FMN2: variants seen among roughly 807,000 people sequenced by gnomAD.
The protein encoded by FMN2 is formin 2, also known as formin-2.
FMN2 carries 51 observed loss-of-function variants against 142.3 expected under a neutral mutation model. The observed-to-expected ratio is 0.36, with a 90% CI of 0.29 to 0.45. The LOEUF is 0.45. Among genes scored for constraint, FMN2 ranks in the 20% least tolerant of loss-of-function variants. The probability of loss-of-function intolerance (pLI) is 1.00; values close to 1 mark genes in which losing one functional copy is unlikely to be tolerated. For synonymous variants in FMN2, 882 were observed against 869.8 expected, an observed-to-expected ratio of 1.01 and a Z score of -0.25; for missense variants, 1,936 against 2,122.8, an observed-to-expected ratio of 0.91 and a Z score of 1.73.
rs1675053506 is a variant in FMN2, at chr1:240,429,148, T to C, written c.4911-8913T>C. Among the ~76,000 whole-genome samples, 4 of 152,228 alleles carry C rather than the reference T, an allele frequency of 2.6e-5. 1 individual carries two copies. In the South Asian group the frequency reaches 8.3e-4, roughly 31 times the overall value. On this transcript the variant is annotated intron_variant, in intron 15 of 17. Coordinates refer to ENST00000319653, the MANE Select transcript of FMN2 (RefSeq NM_020066.5). ...AGATTCTTTACTAAGTTCTTGTACC[T>C]TATGTCTGAGTTTTTAAAATTTTGA...
chr1:240,201,306 A>G (rs994010432), intron 4 of FMN2, among the ~76,000 whole-genome samples: 2 of 152,168 alleles, frequency 1.3e-5, no homozygotes, highest in Non-Finnish European at 2.9e-5. Context: ...AAACCACATG[A>G]CACAAATGCA....
At chr1:240,293,601 T>C (rs1042234550) in intron 7 of FMN2, among the ~76,000 whole-genome samples, 2 of 152,182 alleles carry the variant, frequency 1.3e-5, no homozygotes, top group Non-Finnish European at 2.9e-5. Context: ...CTTTACTACT[T>C]TGAAACATTA....
intron 6 of FMN2, among the ~76,000 whole-genome samples, chr1:240,251,197 T>C (rs1021036121): frequency 6.6e-6 from 1 of 152,112 alleles, no homozygotes; most frequent in Non-Finnish European, 1.5e-5. Flanking sequence ...ACTTTTTTGA[T>C]GTAGGCGTTT....
chr1:240,097,386 C>T (rs1441174214), intron 1 of FMN2, among the ~76,000 whole-genome samples: 8 of 147,444 alleles, frequency 5.4e-5, no homozygotes, highest in African/African-American at 7.5e-5. Flanking sequence ...GACAGAGTCT[C>T]GCTCTGTTGC....
At chr1:240,319,113 G>T (rs1466777094) in intron 8 of FMN2, among the ~76,000 whole-genome samples, 2 of 152,138 alleles carry the variant, frequency 1.3e-5, no homozygotes, top group Non-Finnish European at 1.5e-5. Context: ...GTGTGGTGAG[G>T]TATAGTGGAT....
chr1:240,093,307 A>C lies in FMN2; in HGVS notation c.1198A>C (p.Ser400Arg). ...DAPAAASLPG[S>R]PAPSQRCFKP... The stretch of plus-strand genomic sequence containing the variant: ...CCCCGCGGCCGCTTCCCTGCCCGGC[A>C]GCCCCGCGCCTAGCCAGCGCTGTTT... The change falls in exon 1 of 18, where the codon AGC (serine) becomes CGC (arginine). Residue 400 changes from serine (S) to arginine (R), a missense_variant. Ser to Arg is a moderately radical substitution (Grantham distance 110). This residue lies in a region of FMN2 where 751 missense variants were observed against 791.8 expected (regional missense o/e 0.95). Transcript: ENST00000319653. 1.9e-6 allele frequency: 3 copies of C among 1,609,584 alleles called. No individual in the cohort carries two copies. The highest frequency in any genetic ancestry group is 2.5e-6 in the Non-Finnish European group (3 of 1,178,262).
intron 7 of FMN2, among the ~76,000 whole-genome samples, chr1:240,291,998 GC>G (rs33972599): frequency 0.3 from 46,123 of 151,788 alleles, 7,432 homozygotes; most frequent in Admixed American, 0.47. Flanking sequence ...CCTTGCCCCT[GC>G]CCCATAAAGG....
At chr1:240,370,974 T>G (rs748958691) in intron 14 of FMN2, among the ~76,000 whole-genome samples, 7 of 152,240 alleles carry the variant, frequency 4.6e-5, no homozygotes, top group Non-Finnish European at 8.8e-5. Flanking sequence ...GTCCTTGCTC[T>G]ATTGCCCAGG....
chr1:240,446,157 A>T (rs1056934689), intron 16 of FMN2, among the ~76,000 whole-genome samples: 1 of 152,204 alleles, frequency 6.6e-6, no homozygotes, highest in South Asian at 2.1e-4. Context: ...AGTTCTTTTT[A>T]AAAAATGGAA....
chr1:240,290,249 G>T (rs933401880), intron 7 of FMN2, among the ~76,000 whole-genome samples: 1 of 152,076 alleles, frequency 6.6e-6, no homozygotes, highest in African/African-American at 2.4e-5. Context: ...TTAAATTGAC[G>T]ATTGGACTTC....
intron 16 of FMN2, among the ~76,000 whole-genome samples, chr1:240,465,078 T>C (rs1004701767): frequency 1.3e-5 from 2 of 151,670 alleles, no homozygotes; most frequent in African/African-American, 4.9e-5. Context: ...TATGTGTGTA[T>C]TTTAAGTCAC....
chr1:240,379,773 A>G (rs561057249), intron 14 of FMN2, among the ~76,000 whole-genome samples: 10 of 152,190 alleles, frequency 6.6e-5, no homozygotes, highest in Non-Finnish European at 1.5e-4. Flanking sequence ...TGGAAGTTCC[A>G]CTTCAATTAA....
chr1:240,333,094 T>G (rs1671433196), intron 11 of FMN2, among the ~76,000 whole-genome samples: 1 of 152,160 alleles, frequency 6.6e-6, no homozygotes, highest in Non-Finnish European at 1.5e-5. Flanking sequence ...AGGGTTTGTT[T>G]TTAAAGTAAA....
Position 240,474,188 on chromosome 1 carries a change from A to G in FMN2, c.*34A>G, listed in dbSNP as rs781418156. The G allele has an allele frequency of 6.5e-6, 10 of 1,532,380 alleles. No individual in the cohort carries two copies. The highest frequency in any genetic ancestry group is 1.7e-4 in the Middle Eastern group (1 of 5,862). 94.9% of individuals were successfully genotyped at this position (1,532,380 alleles called of 1,614,324 possible). On this transcript the variant is annotated 3_prime_UTR_variant, in exon 18 of 18. Coordinates refer to ENST00000319653, the MANE Select transcript of FMN2 (RefSeq NM_020066.5). The stretch of plus-strand genomic sequence containing the variant: ...AAGCAGAATGAAAATGAGTCATTGC[A>G]ACGACTTTCACAAAATTCAGCTGAC...
intron 8 of FMN2, among the ~76,000 whole-genome samples, chr1:240,319,564 T>A (rs949119947): frequency 1.3e-5 from 2 of 152,212 alleles, no homozygotes; most frequent in African/African-American, 4.8e-5. Flanking sequence ...CAACAATTCC[T>A]AAGACATCTC....
intron 14 of FMN2, among the ~76,000 whole-genome samples, chr1:240,366,468 G>C (rs950160345): frequency 1.3e-5 from 2 of 150,828 alleles, no homozygotes; most frequent in Non-Finnish European, 2.9e-5. Context: ...TTTGCATGTG[G>C]TTCTATTTCA....
chr1:240,455,641 G>A (rs776454005), intron 16 of FMN2, among the ~76,000 whole-genome samples: 1 of 152,006 alleles, frequency 6.6e-6, no homozygotes, highest in Non-Finnish European at 1.5e-5. Flanking sequence ...TCATGCTACT[G>A]TACTCTGGCC....
At chr1:240,408,840 A>G (rs1674299767) in intron 15 of FMN2, among the ~76,000 whole-genome samples, 3 of 152,118 alleles carry the variant, frequency 2.0e-5, no homozygotes, top group Admixed American at 2.0e-4. Flanking sequence ...GTGGTGTCTT[A>G]GGCAAAACAA....
At chr1:240,360,847 C>G (rs770888376) in intron 14 of FMN2, among the ~76,000 whole-genome samples, 3 of 151,964 alleles carry the variant, frequency 2.0e-5, no homozygotes, top group Non-Finnish European at 2.9e-5. Flanking sequence ...TGGAAACCAT[C>G]ATTCTCAGCA....
Sources: allele counts gnomAD v4.1 joint callset (sites outside exome capture counted in the v4.1 genomes callset), GRCh38; gene constraint gnomAD v4.1.1; regional missense constraint gnomAD v4.1.1; transcripts MANE v1.5; gene names NCBI Gene and HGNC (gene_info 2026-07-23, HGNC 2026-07-21).